POF1B: variants seen among roughly 807,000 people sequenced by gnomAD.
POF1B encodes the protein protein POF1B.
Under a neutral mutation model 55.3 loss-of-function variants are expected in POF1B, and 53 were observed. The ratio of observed to expected loss-of-function variants is 0.96; its 90% CI spans 0.77 to 1.20. The LOEUF (loss-of-function observed/expected upper bound fraction) is 1.20. Among genes scored for constraint, POF1B ranks in the 50% most tolerant of loss-of-function variants. POF1B has a pLI of 0.00. For synonymous variants in POF1B, 188 were observed against 148.3 expected (o/e 1.27, Z -1.95); for missense variants, 478 against 420.5 (o/e 1.14, Z -1.20).
intron 7 of POF1B, among the ~76,000 whole-genome samples, chrX:85,327,229 A>G (rs1260690310): frequency 9.1e-6 from 1 of 109,340 alleles, no homozygotes; most frequent in African/African-American, 3.3e-5. Context: ...TGCTCAACTC[A>G]CTCCTTCCCG....
chrX:85,321,328 C>G (rs1347300229), intron 7 of POF1B, among the ~76,000 whole-genome samples: 1 of 110,622 alleles, frequency 9.0e-6, no homozygotes. Context: ...ATAAACAGAA[C>G]CAAAGACCAA....
chrX:85,361,068 C>T (rs919983787), intron 3 of POF1B, among the ~76,000 whole-genome samples: 1 of 110,759 alleles, frequency 9.0e-6, no homozygotes, highest in African/African-American at 3.3e-5. Flanking sequence ...ACTTTTTAAT[C>T]GGGTTGTTTG....
At chrX:85,296,710 T>A (rs973446983) in intron 15 of POF1B, among the ~76,000 whole-genome samples, 9 of 111,902 alleles carry the variant, frequency 8.0e-5, no homozygotes, top group African/African-American at 2.9e-4. Flanking sequence ...CTGATGACTA[T>A]GTGTCTTGGG....
intron 15 of POF1B, among the ~76,000 whole-genome samples, chrX:85,296,506 G>C (rs900382726): frequency 2.7e-5 from 3 of 112,051 alleles, no homozygotes; most frequent in Admixed American, 9.5e-5. Context: ...AGCATAGCTT[G>C]GTGGGATATG....
rs5923290 is a variant in POF1B at position 85,349,760 on chromosome X, G to A, written c.540+1590C>T. Among the ~76,000 whole-genome samples, 1,079 of 111,172 alleles carry A rather than the reference G, an allele frequency of 9.7e-3. 13 individuals are homozygous for A. Among genetic ancestry groups the A allele is most frequent in the South Asian group, 0.015 (39 of 2,648 alleles). On this transcript the variant is annotated intron_variant, in intron 5 of 16. Coordinates refer to ENST00000262753, the MANE Select transcript of POF1B (RefSeq NM_024921.4). Reference sequence around the variant, plus strand: ...GAGAGAACATAGCCCTGCCAACATAGTAATTTCAGACTTCTGGCCTCCAGA... The same window carrying A: ...GAGAGAACATAGCCCTGCCAACATAATAATTTCAGACTTCTGGCCTCCAGA...
At chrX:85,324,304 T>C (rs1932873003) in intron 7 of POF1B, among the ~76,000 whole-genome samples, 1 of 111,200 alleles carries the variant, frequency 9.0e-6, no homozygotes, top group African/African-American at 3.3e-5. Context: ...TGTCTAATAC[T>C]CTCAGTGGAG....
intron 15 of POF1B, among the ~76,000 whole-genome samples, chrX:85,287,622 C>A (rs779610039): frequency 9.0e-6 from 1 of 111,081 alleles, no homozygotes; most frequent in African/African-American, 3.3e-5. Context: ...AAAGTCAACT[C>A]CAGTCCAGGA....
At chrX:85,350,424 G>A (rs1222442710) in intron 5 of POF1B, among the ~76,000 whole-genome samples, 3 of 111,267 alleles carry the variant, frequency 2.7e-5, no homozygotes, top group South Asian at 3.7e-4. Context: ...TCTTAATCCA[G>A]TCTATCATTG....
intron 7 of POF1B, among the ~76,000 whole-genome samples, chrX:85,322,880 C>G (rs1456973341): frequency 1.8e-5 from 2 of 111,197 alleles, no homozygotes; most frequent in Admixed American, 9.6e-5. Context: ...AAATGCAAAT[C>G]AAAACCACAA....
intron 2 of POF1B, among the ~76,000 whole-genome samples, chrX:85,377,024 C>T (rs1156833024): frequency 8.9e-6 from 1 of 112,008 alleles, no homozygotes; most frequent in African/African-American, 3.2e-5. Context: ...ATCAATTTTT[C>T]TTGCTGCCAT....
intron 15 of POF1B, among the ~76,000 whole-genome samples, chrX:85,288,475 T>C (rs1329095281): frequency 9.0e-6 from 1 of 111,188 alleles, no homozygotes; most frequent in Non-Finnish European, 1.9e-5. Flanking sequence ...AGAACAGAGA[T>C]TGTCACTGGA....
intron 6 of POF1B, among the ~76,000 whole-genome samples, chrX:85,331,824 C>G (rs1322424723): frequency 9.0e-6 from 1 of 111,296 alleles, no homozygotes; most frequent in Non-Finnish European, 1.9e-5. Context: ...TTAGCTCCCC[C>G]ATATAAGTGA....
chrX:85,291,602 G>A (rs1932188430), intron 15 of POF1B, among the ~76,000 whole-genome samples: 1 of 111,387 alleles, frequency 9.0e-6, no homozygotes, highest in Admixed American at 9.5e-5. Flanking sequence ...TGTCATCTCT[G>A]ATTTTTTTTG....
intron 7 of POF1B, among the ~76,000 whole-genome samples, chrX:85,330,338 G>T (rs1039753496): frequency 3.6e-5 from 4 of 110,805 alleles, no homozygotes; most frequent in Non-Finnish European, 7.6e-5. Context: ...AATATACAAA[G>T]TTTATATATA....
rs192701597 is a variant in POF1B, at chrX:85,339,267, C to T, written c.723+6593G>A. On this transcript the variant is annotated intron_variant, in intron 6 of 16. Coordinates refer to ENST00000262753, the MANE Select transcript of POF1B (RefSeq NM_024921.4). ...CACCAGATCTCATGAGACTTACTCA[C>T]TATCACAAGAATAGCATGGGAAAGA... Among the ~76,000 whole-genome samples, 99 of 110,456 alleles carry T rather than the reference C, an allele frequency of 9.0e-4. 4 individuals carry two copies. The highest frequency in any genetic ancestry group is 2.4e-3 in the Admixed American group (25 of 10,336).
In POF1B at chrX:85,371,550, A is replaced by G. The variant is rs772452561; in HGVS notation, c.283-3784T>C. Among the ~76,000 whole-genome samples, 4 of 111,512 alleles carry G rather than the reference A, an allele frequency of 3.6e-5. No individual in the cohort carries two copies. The South Asian group carries it at 1.5e-3, about 42-fold the overall frequency. ...TAAGGTGCTGGAATTCCAACTCAGC[A>G]TGACTCCAGAACTCATGCTCTTAAT... On this transcript the variant is annotated intron_variant, in intron 2 of 16. Transcript: ENST00000262753.
At chrX:85,376,541 G>C (rs1230980605) in intron 2 of POF1B, among the ~76,000 whole-genome samples, 2 of 110,863 alleles carry the variant, frequency 1.8e-5, no homozygotes, top group Non-Finnish European at 3.8e-5. Flanking sequence ...CCAGCAACTG[G>C]TTTCTACACT....
intron 6 of POF1B, among the ~76,000 whole-genome samples, chrX:85,336,922 A>T (rs1933085756): frequency 1.8e-5 from 2 of 111,612 alleles, no homozygotes; most frequent in African/African-American, 3.3e-5. Context: ...GTAGTTTCAT[A>T]GTTTGAGGCA....
At chrX:85,314,250 G>C (rs17004160) in intron 9 of POF1B, among the ~76,000 whole-genome samples, 182 bp downstream of exon 9, 23,854 of 110,159 alleles carry the variant, frequency 0.22, 2,480 homozygotes, top group African/African-American at 0.4. Context: ...AAATGCTAGT[G>C]ATTCAATATA....
Sources: allele counts gnomAD v4.1 joint callset (sites outside exome capture counted in the v4.1 genomes callset), GRCh38; gene constraint gnomAD v4.1.1; transcripts MANE v1.5; gene names NCBI Gene and HGNC (gene_info 2026-07-23, HGNC 2026-07-21).